NOX4: variants seen among roughly 807,000 people sequenced by gnomAD.
NOX4 encodes the protein kidney oxidase-1.
Under a neutral mutation model 87.6 loss-of-function variants are expected in NOX4, and 69 were observed. The observed-to-expected ratio is 0.79, with a 90% confidence interval of 0.65 to 0.96. The LOEUF (loss-of-function observed/expected upper bound fraction) is 0.96. Among genes scored for constraint, NOX4 ranks in the 40% least tolerant of loss-of-function variants. NOX4 has a pLI of 0.00. For missense variants in NOX4, 680 were observed against 681.5 expected (o/e 1.00, Z 0.02); for synonymous variants, 275 against 238.2 (o/e 1.15, Z -1.42).
chr11:89,460,494 G>A lies in NOX4; in HGVS notation c.154-8599C>T, dbSNP rs527334262. Among the ~76,000 whole-genome samples the A allele has an allele frequency of 8.3e-4, 127 of 152,190 alleles. 1 individual carries two copies. In the South Asian group the frequency reaches 0.013, roughly 15 times the overall value. ...AAAACAACCCCATCAAAAAGTGGGC[G>A]AAGGATATGAACAGACACTTCTCAA... On this transcript the variant is annotated intron_variant, in intron 2 of 17. Coordinates refer to ENST00000263317, the MANE Select transcript of NOX4 (RefSeq NM_016931.5).
At chr11:89,330,720 A>G (rs1945434721) in intron 17 of NOX4, among the ~76,000 whole-genome samples, 1 of 151,942 alleles carries the variant, frequency 6.6e-6, no homozygotes, top group African/African-American at 2.4e-5. Flanking sequence ...GTAAAAAAAG[A>G]AAATAAAACA....
At chr11:89,453,295 T>C (rs1371101793) in intron 2 of NOX4, among the ~76,000 whole-genome samples, 1 of 152,206 alleles carries the variant, frequency 6.6e-6, no homozygotes, top group Non-Finnish European at 1.5e-5. Context: ...AGTGAGATCA[T>C]ACAGTATTTG....
intron 8 of NOX4, among the ~76,000 whole-genome samples, chr11:89,411,358 G>A (rs1942468854): frequency 6.6e-6 from 1 of 152,098 alleles, no homozygotes; most frequent in Non-Finnish European, 1.5e-5. Flanking sequence ...AGGGAAGAGT[G>A]AATGGGACTT....
At chr11:89,531,984 G>A in the NOX4 span, among the ~76,000 whole-genome samples, 1 of 152,208 alleles carries the variant, frequency 6.6e-6, no homozygotes, top group African/African-American at 2.4e-5. Flanking sequence ...TGTGGGGCCT[G>A]TGGGTGTGCA....
intron 17 of NOX4, among the ~76,000 whole-genome samples, chr11:89,331,069 A>G (rs11823598): frequency 0.021 from 3,138 of 152,074 alleles, 124 homozygotes; most frequent in African/African-American, 0.072. Flanking sequence ...AACATTCACC[A>G]AGATTGAACA....
In NOX4 at chr11:89,400,224, T is replaced by G. The variant is rs1391155896; in HGVS notation, c.1002A>C (p.Arg334Ser). The change falls in exon 10 of 18, where the codon AGA (arginine) becomes AGC (serine). Residue 334 changes from arginine to serine, a missense_variant. Coordinates refer to ENST00000263317, the MANE Select transcript of NOX4 (RefSeq NM_016931.5). ...CTGACCACTGACTCACCTGACCAGG[T>G]CTTGCTTTAAAATTTTCTTTGACCA... ...IRMVKENFKARPGQYITLHCP... is the reference protein window; with the variant it reads ...IRMVKENFKASPGQYITLHCP... 2.5e-6 allele frequency: 4 copies of G among 1,612,444 alleles called. No homozygotes were observed. Among genetic ancestry groups the G allele is most frequent in the African/African-American group, 2.7e-5 (2 of 74,958 alleles).
the NOX4 span, among the ~76,000 whole-genome samples, chr11:89,575,457 G>A: frequency 2.0e-5 from 3 of 152,054 alleles, no homozygotes; most frequent in African/African-American, 4.8e-5. Flanking sequence ...TGCAAAATGA[G>A]AGAAATTGAG....
chr11:89,435,884 T>C (rs570484496), intron 6 of NOX4, among the ~76,000 whole-genome samples: 129 of 152,266 alleles, frequency 8.5e-4, no homozygotes, highest in Non-Finnish European at 1.6e-3. Context: ...AATTTGTTTT[T>C]CCTTCTTATT....
At chr11:89,395,895 T>C (rs1317883874) in intron 11 of NOX4, among the ~76,000 whole-genome samples, 2 of 152,184 alleles carry the variant, frequency 1.3e-5, no homozygotes, top group African/African-American at 4.8e-5. Flanking sequence ...CATGCTGTTT[T>C]GGTTACTGTA....
Position 89,497,478 on chromosome 11 carries a change from G to A in NOX4, c.-115+519C>T, listed in dbSNP as rs144437616. Reference sequence around the variant, plus strand: ...TATTAGAATCCACATTAAATAATATGAGTTTTACAGTCATAAAAACATTGG... The same window carrying A: ...TATTAGAATCCACATTAAATAATATAAGTTTTACAGTCATAAAAACATTGG... On this transcript the variant is annotated intron_variant, in intron 1 of 18. Transcript: ENST00000527956. Among the ~76,000 whole-genome samples, 13 of 152,188 alleles carry A rather than the reference G, an allele frequency of 8.5e-5. No homozygotes were observed. The East Asian group carries it at 1.7e-3, about 20-fold the overall frequency.
At chr11:89,430,935 C>T (rs1384855613) in intron 7 of NOX4, among the ~76,000 whole-genome samples, 21 of 152,248 alleles carry the variant, frequency 1.4e-4, no homozygotes, top group South Asian at 4.1e-4. Flanking sequence ...GGAGGCATCA[C>T]GCTACCTGAC....
At chr11:89,361,320 G>A (rs549527236) in intron 12 of NOX4, among the ~76,000 whole-genome samples, 42 of 152,140 alleles carry the variant, frequency 2.8e-4, no homozygotes, top group African/African-American at 9.9e-4. Flanking sequence ...GGAGCTGGAG[G>A]CCATTATTGT....
At chr11:89,396,979 T>C (rs1244941349) in intron 11 of NOX4, among the ~76,000 whole-genome samples, 2 of 97,850 alleles carry the variant, frequency 2.0e-5, no homozygotes, top group African/African-American at 1.3e-4. Context: ...CTAATAGATA[T>C]CTACGAACTC....
chr11:89,503,537 T>TA, the NOX4 span, among the ~76,000 whole-genome samples: 9 of 151,702 alleles, frequency 5.9e-5, no homozygotes, highest in Admixed American at 2.6e-4. Flanking sequence ...ACTCAATAAG[T>TA]AAAAAAATCA....
Position 89,490,534 on chromosome 11 carries a change from T to C in NOX4, c.77A>G (p.Asn26Ser). 2 of 1,613,912 alleles carry C rather than the reference T, an allele frequency of 1.2e-6. No individual in the cohort carries two copies. The highest frequency in any genetic ancestry group is 1.1e-5 in the South Asian group (1 of 91,078). ...HLCLFIWLSM[N>S]VLLFWKTFLL... The stretch of plus-strand genomic sequence containing the variant: ...GAAGGTTTTCCAGAAAAGCAGGACA[T>C]TCATGGAGAGCCAGATGAACTAAAC... Residue 26 changes from asparagine to serine, a missense_variant, in exon 2 of 18, where the codon AAT (asparagine) becomes AGT (serine). Coordinates refer to ENST00000263317, the MANE Select transcript of NOX4 (RefSeq NM_016931.5).
chr11:89,509,264 G>T, the NOX4 span, among the ~76,000 whole-genome samples: 1 of 151,660 alleles, frequency 6.6e-6, no homozygotes, highest in African/African-American at 2.4e-5. Context: ...GTGTCTCTTA[G>T]ACATTAACCA....
chr11:89,532,114 G>A, the NOX4 span, among the ~76,000 whole-genome samples: 1 of 152,204 alleles, frequency 6.6e-6, no homozygotes, highest in South Asian at 2.1e-4. Context: ...GGAAATGTGG[G>A]GTTTGAGCTC....
Position 89,416,505 on chromosome 11 carries a change from C to CT in NOX4, c.629+5396dup, listed in dbSNP as rs529053403. 8.5e-5 allele frequency among the ~76,000 whole-genome samples: 13 copies of CT among 152,306 alleles called. No homozygotes were observed. The East Asian group carries it at 2.5e-3, about 29-fold the overall frequency. The stretch of plus-strand genomic sequence containing the variant: ...TATATTGCACAAATATCTCTATCCT[C>CT]TAACAGTATATCCTTAATGTCCTCC... On this transcript the variant is annotated intron_variant, in intron 8 of 17. Coordinates refer to ENST00000263317, the MANE Select transcript of NOX4 (RefSeq NM_016931.5).
At chr11:89,491,419 G>T, upstream of NOX4, 1 of 584,744 alleles carries the variant, frequency 1.7e-6, no homozygotes, top group Non-Finnish European at 2.9e-6. Context: ...GGCGGGGTCT[G>T]CTACCCAGAG....
Sources: gnomAD v4.1 joint callset for allele counts (sites outside exome capture counted in the v4.1 genomes callset) on GRCh38, gnomAD v4.1.1 for gene constraint, MANE v1.5 for transcripts, NCBI Gene and HGNC (gene_info 2026-07-23, HGNC 2026-07-21) for gene names.